The following SV2C variants were observed in gnomAD, a reference collection of about 807,000 sequenced individuals.
The protein encoded by SV2C is synaptic vesicle glycoprotein 2C, also known as solute carrier family 22 member B3.
In SV2C, 49 loss-of-function variants were observed where a neutral mutation model predicts 79.7. The ratio of observed to expected loss-of-function variants is 0.61; its 90% CI spans 0.49 to 0.78. The LOEUF (loss-of-function observed/expected upper bound fraction) is 0.78, where lower values mean the gene tolerates loss of function less well. SV2C is among the 30% of genes least tolerant of loss of function. The pLI is 0.00. For synonymous variants in SV2C, 334 were observed against 333.2 expected (o/e 1.00, Z -0.03); for missense variants, 833 against 912.9 (o/e 0.91, Z 1.13).
chr5:75,971,608 T>C, the SV2C span, among the ~76,000 whole-genome samples: 3 of 152,126 alleles, frequency 2.0e-5, no homozygotes. Flanking sequence ...CCTAGGAATC[T>C]AACTTACAAG....
chr5:76,143,418 C>G (rs945811474), intron 2 of SV2C, among the ~76,000 whole-genome samples: 13 of 152,178 alleles, frequency 8.5e-5, no homozygotes, highest in African/African-American at 2.9e-4. Flanking sequence ...CATTTCTCAA[C>G]CGGAGCCCTA....
At chr5:76,120,121 A>T (rs192999941) in intron 1 of SV2C, among the ~76,000 whole-genome samples, 2 of 152,320 alleles carry the variant, frequency 1.3e-5, no homozygotes, top group Admixed American at 1.3e-4. Context: ...ATTGTACTCC[A>T]TAAATGTGTA....
At chr5:76,155,921 A>G (rs1443472828) in intron 2 of SV2C, among the ~76,000 whole-genome samples, 1 of 147,784 alleles carries the variant, frequency 6.8e-6, no homozygotes, top group Non-Finnish European at 1.5e-5. Flanking sequence ...GTGTGGAGAA[A>G]TTTATGCCCA....
At chr5:76,172,552 A>G (rs1270022414) in intron 2 of SV2C, among the ~76,000 whole-genome samples, 105 of 65,942 alleles carry the variant, frequency 1.6e-3, no homozygotes, top group African/African-American at 5.9e-3. Context: ...GGTGTGCCCA[A>G]CAGCTCATTG....
chr5:75,991,310 C>A, the SV2C span, among the ~76,000 whole-genome samples: 35 of 151,326 alleles, frequency 2.3e-4, 1 homozygote, highest in Admixed American at 2.0e-4. Context: ...AGTTATTATC[C>A]CTTTTTATTT....
the SV2C span, chr5:75,910,387 C>T: frequency 9.0e-6 from 5 of 552,710 alleles, no homozygotes; most frequent in Admixed American, 4.0e-5. Flanking sequence ...GACTATCCCA[C>T]TCACTGCTGT....
intron 10 of SV2C, among the ~76,000 whole-genome samples, chr5:76,299,165 C>T (rs1747891800): frequency 1.3e-5 from 2 of 152,176 alleles, no homozygotes; most frequent in African/African-American, 4.8e-5. Flanking sequence ...ACAAAAAAAT[C>T]CTTTGATGAA....
chr5:76,142,945 G>C (rs1020640812), intron 2 of SV2C, among the ~76,000 whole-genome samples: 1 of 140,340 alleles, frequency 7.1e-6, no homozygotes, highest in East Asian at 2.0e-4. Flanking sequence ...CCAGGCTAGA[G>C]TGCAGTGGTG....
the SV2C span, among the ~76,000 whole-genome samples, chr5:75,864,351 TCCA>T: frequency 1.3e-5 from 2 of 151,692 alleles, no homozygotes; most frequent in Non-Finnish European, 2.9e-5. Context: ...CATCCATCCA[TCCA>T]TTCATTTAAT....
intron 4 of SV2C, among the ~76,000 whole-genome samples, chr5:76,248,412 C>T (rs1217509698): frequency 6.6e-6 from 1 of 152,156 alleles, no homozygotes; most frequent in African/African-American, 2.4e-5. Context: ...CTAATCTGCT[C>T]TTCTTATAAG....
At chr5:76,054,077 T>A in the SV2C span, among the ~76,000 whole-genome samples, 16 of 152,090 alleles carry the variant, frequency 1.1e-4, 1 homozygote, top group Admixed American at 1.0e-3. Context: ...GCTGCAGCCG[T>A]CAACCCGGTC....
At chr5:76,133,756 C>G (rs1748981163) in intron 2 of SV2C, among the ~76,000 whole-genome samples, 1 of 152,156 alleles carries the variant, frequency 6.6e-6, no homozygotes, top group Non-Finnish European at 1.5e-5. Context: ...TCTCAGCAGA[C>G]TGGTTTTGTA....
the SV2C span, among the ~76,000 whole-genome samples, chr5:75,998,019 G>C: frequency 2.2e-4 from 34 of 152,080 alleles, no homozygotes; most frequent in African/African-American, 7.0e-4. Context: ...CCATAAAAAA[G>C]GATGAGTTCA....
the SV2C span, among the ~76,000 whole-genome samples, chr5:76,020,040 T>C: frequency 6.4e-4 from 97 of 152,308 alleles, no homozygotes; most frequent in African/African-American, 2.3e-3. Context: ...CTACTGAGGC[T>C]GTGTGGGAAT....
At chr5:76,012,539 C>T in the SV2C span, among the ~76,000 whole-genome samples, 3,261 of 152,164 alleles carry the variant, frequency 0.021, 107 homozygotes, top group African/African-American at 0.069. Context: ...CAAAAATTTT[C>T]TCCCATTCTG....
chr5:76,310,553 G>T (rs1365325206), intron 12 of SV2C, among the ~76,000 whole-genome samples: 3 of 152,188 alleles, frequency 2.0e-5, no homozygotes, highest in Admixed American at 6.5e-5. Flanking sequence ...TGAGTAAAAT[G>T]AAATCCAATG....
At chr5:76,216,690 C>T (rs1304843056) in intron 4 of SV2C, among the ~76,000 whole-genome samples, 1 of 152,180 alleles carries the variant, frequency 6.6e-6, no homozygotes, top group South Asian at 2.1e-4. Context: ...AATAAATAAG[C>T]AGTATCTTCA....
chr5:75,871,839 A>C, the SV2C span, among the ~76,000 whole-genome samples: 1,138 of 112,340 alleles, frequency 0.01, 3 homozygotes, highest in East Asian at 0.026. Context: ...ATATATACAC[A>C]CACACACACA....
At chr5:76,015,506 G>A in the SV2C span, among the ~76,000 whole-genome samples, 1 of 152,048 alleles carries the variant, frequency 6.6e-6, no homozygotes, top group Non-Finnish European at 1.5e-5. Context: ...CTATGCTTTT[G>A]AGTCAAATTC....
Sources: allele counts gnomAD v4.1 joint callset (sites outside exome capture counted in the v4.1 genomes callset), GRCh38; gene constraint gnomAD v4.1.1; transcripts MANE v1.5; gene names NCBI Gene and HGNC (gene_info 2026-07-23, HGNC 2026-07-21).